Variants in MAP3K7 observed in about 807,000 individuals in gnomAD.
MAP3K7 encodes the protein mitogen-activated protein kinase kinase kinase 7.
MAP3K7 carries 21 observed loss-of-function variants against 84.8 expected under a neutral mutation model. The ratio of observed to expected loss-of-function variants is 0.25; its 90% CI spans 0.18 to 0.36. MAP3K7 has a LOEUF of 0.36. Ranked by LOEUF, MAP3K7 falls within the 10% of genes least tolerant of loss-of-function variation. The pLI, the probability that MAP3K7 is intolerant of heterozygous loss-of-function variation, is 1.00. For missense variants in MAP3K7, 503 were observed against 747.7 expected (o/e 0.67, Z 3.82); for synonymous variants, 241 against 247.7 (o/e 0.97, Z 0.25).
Position 90,516,498 on chromosome 6 carries a change from G to A in MAP3K7, c.*3C>T, listed in dbSNP as rs1306525346. 3 of 1,608,422 alleles carry A rather than the reference G, an allele frequency of 1.9e-6. No homozygotes were observed. The highest frequency in any genetic ancestry group is 2.2e-5 in the East Asian group (1 of 44,850). ...TATTTCAAAATGTAACGGTCCCAGA[G>A]AATCATGAAGTGCCTTGTCGTTTCT... On this transcript the variant is annotated 3_prime_UTR_variant, in exon 17 of 17. Transcript: ENST00000369329.
At chr6:90,545,526 A>C (rs1775975792) in intron 11 of MAP3K7, among the ~76,000 whole-genome samples, 3 of 152,122 alleles carry the variant, frequency 2.0e-5, no homozygotes, top group Non-Finnish European at 4.4e-5. Context: ...CCTGAAGTGA[A>C]AAGGGTTCCT....
At chr6:90,560,021 G>C in intron 5 of MAP3K7, 55 bp downstream of exon 5, 1 of 1,604,206 alleles carries the variant, frequency 6.2e-7, no homozygotes, top group Admixed American at 1.7e-5. Context: ...TCGGGGTGGT[G>C]AGAGTGAGAG....
intron 1 of MAP3K7, among the ~76,000 whole-genome samples, chr6:90,578,493 T>C (rs1332221131): frequency 1.3e-5 from 2 of 152,204 alleles, no homozygotes; most frequent in African/African-American, 4.8e-5. Context: ...CAGGCTGGTC[T>C]TGAACTCCTG....
chr6:90,578,760 G>A (rs1265131798), intron 1 of MAP3K7, among the ~76,000 whole-genome samples: 5 of 152,168 alleles, frequency 3.3e-5, no homozygotes, highest in African/African-American at 1.2e-4. Flanking sequence ...AGAGGTGGCA[G>A]AAGGTGCTAC....
At chr6:90,516,984 A>G (rs1045049632) in intron 16 of MAP3K7, among the ~76,000 whole-genome samples, 1 of 151,914 alleles carries the variant, frequency 6.6e-6, no homozygotes, top group Non-Finnish European at 1.5e-5. Context: ...GGAAGGATGA[A>G]AAAAGGCTGG....
chr6:90,549,166 G>A (rs959938310), intron 9 of MAP3K7, among the ~76,000 whole-genome samples: 2 of 152,134 alleles, frequency 1.3e-5, no homozygotes, highest in African/African-American at 2.4e-5. Context: ...AGTATGGATA[G>A]TTTAGCCAGA....
At chr6:90,568,149 C>T (rs1776773656) in intron 3 of MAP3K7, among the ~76,000 whole-genome samples, 1 of 151,994 alleles carries the variant, frequency 6.6e-6, no homozygotes, top group Non-Finnish European at 1.5e-5. Flanking sequence ...ACCAACATGG[C>T]AAATGTATAC....
chr6:90,530,469 T>C (rs535015704), intron 13 of MAP3K7, among the ~76,000 whole-genome samples: 1 of 152,206 alleles, frequency 6.6e-6, no homozygotes, highest in Admixed American at 6.5e-5. Context: ...CACCTTCTAC[T>C]TTCCAAGAAA....
At chr6:90,582,018 A>G (rs1254894193) in intron 1 of MAP3K7, among the ~76,000 whole-genome samples, 1 of 152,216 alleles carries the variant, frequency 6.6e-6, no homozygotes, top group African/African-American at 2.4e-5. Flanking sequence ...TGTGTCCAAT[A>G]CTATAGCTTT....
In MAP3K7 at chr6:90,544,546, TG is replaced by T. The variant is rs758943754; in HGVS notation, c.1291+5del. 65 of 1,611,500 alleles carry T rather than the reference TG, an allele frequency of 4.0e-5. No individual in the cohort carries two copies. The highest frequency in any genetic ancestry group is 2.9e-4 in the South Asian group (26 of 91,042). On this transcript the variant is annotated splice_donor_5th_base_variant and intron_variant, in intron 12 of 16. Transcript: ENST00000369329. ...CTATTAGACCAACTCAGGTGGTCTA[TG>T]ATACCTGATATGACGATCTCAGGGA...
At chr6:90,517,320 A>G (rs761268848) in intron 16 of MAP3K7, among the ~76,000 whole-genome samples, 30 of 151,840 alleles carry the variant, frequency 2.0e-4, no homozygotes, top group Admixed American at 6.6e-5. Flanking sequence ...GTATTCCCGA[A>G]AAAGATGCAT....
Position 90,516,685 on chromosome 6 carries a change from C to T in MAP3K7, c.1641-4G>A. On this transcript the variant is annotated splice_polypyrimidine_tract_variant and splice_region_variant and intron_variant, in intron 16 of 16. Coordinates refer to ENST00000369329, the MANE Select transcript of MAP3K7 (RefSeq NM_145331.3). Reference sequence around the variant, plus strand: ...CAGTTCTGCAACTAGTTCTTGCCTACAAACAAATACCACATAATATTACAC... The same window carrying T: ...CAGTTCTGCAACTAGTTCTTGCCTATAAACAAATACCACATAATATTACAC... 1 of 1,592,818 alleles carries T rather than the reference C, an allele frequency of 6.3e-7. No homozygotes were observed. The highest frequency in any genetic ancestry group is 8.5e-7 in the Non-Finnish European group (1 of 1,173,086).
chr6:90,518,819 A>G (rs1775055716), intron 15 of MAP3K7, among the ~76,000 whole-genome samples: 1 of 151,838 alleles, frequency 6.6e-6, no homozygotes, highest in Non-Finnish European at 1.5e-5. Flanking sequence ...CTGGTATGAC[A>G]TTTCAGGCTG....
chr6:90,548,039 T>C lies in MAP3K7; in HGVS notation c.1080+8A>G, dbSNP rs779151745. ...GTTACCAGTTTTACTTGTAATAACA[T>C]AACAAACCTGTTGCTTTGCCTGATT... On this transcript the variant is annotated splice_region_variant and intron_variant, in intron 10 of 16. Transcript: ENST00000369329. The C allele has an allele frequency of 6.2e-7, 1 of 1,609,124 alleles. No individual in the cohort carries two copies. The highest frequency in any genetic ancestry group is 8.5e-7 in the Non-Finnish European group (1 of 1,177,970).
chr6:90,563,438 A>G (rs1376617086), intron 3 of MAP3K7, among the ~76,000 whole-genome samples: 2 of 152,218 alleles, frequency 1.3e-5, no homozygotes, highest in African/African-American at 4.8e-5. Flanking sequence ...CACAAGCTTC[A>G]GTAGCTGATT....
intron 16 of MAP3K7, among the ~76,000 whole-genome samples, chr6:90,518,239 A>G (rs901609450): frequency 1.3e-5 from 2 of 151,730 alleles, no homozygotes; most frequent in African/African-American, 4.8e-5. Context: ...AGTATAAAGC[A>G]CCAGTTTATT....
At chr6:90,517,725 T>G (rs1388355475) in intron 16 of MAP3K7, among the ~76,000 whole-genome samples, 1 of 151,672 alleles carries the variant, frequency 6.6e-6, no homozygotes, top group East Asian at 1.9e-4. Flanking sequence ...TTTTCTCTCT[T>G]TTTTTTGAAG....
At chr6:90,564,849 A>G (rs1216690208) in intron 3 of MAP3K7, among the ~76,000 whole-genome samples, 1 of 152,210 alleles carries the variant, frequency 6.6e-6, no homozygotes, top group Admixed American at 6.5e-5. Flanking sequence ...ATGTAAAAGA[A>G]CAGAAATTAC....
intron 1 of MAP3K7, among the ~76,000 whole-genome samples, chr6:90,581,161 C>G (rs2127785519): frequency 6.6e-6 from 1 of 152,214 alleles, no homozygotes; most frequent in South Asian, 2.1e-4. Flanking sequence ...TTCCTTCAGA[C>G]AAGTCATGTT....
Sources: allele counts gnomAD v4.1 joint callset (sites outside exome capture counted in the v4.1 genomes callset), GRCh38; gene constraint gnomAD v4.1.1; transcripts MANE v1.5; gene names NCBI Gene and HGNC (gene_info 2026-07-23, HGNC 2026-07-21).